DENND6B: variants seen among roughly 807,000 people sequenced by gnomAD.
DENND6B encodes the protein DENN domain containing 6B, also known as protein DENND6B.
DENND6B carries 73 observed loss-of-function variants against 85.1 expected under a neutral mutation model. The observed-to-expected ratio is 0.86, with a 90% CI of 0.71 to 1.04. The LOEUF is 1.04. Ranked by LOEUF, DENND6B falls within the 50% of genes least tolerant of loss-of-function variation. DENND6B has a pLI of 0.00. For missense variants in DENND6B, 715 were observed against 785.8 expected, an observed-to-expected ratio of 0.91 and a Z score of 1.08; for synonymous variants, 357 against 329.3, an observed-to-expected ratio of 1.08 and a Z score of -0.91.
chr22:50,326,784 G>A (rs2042201640), intron 1 of DENND6B, 28 bp downstream of exon 1: 3 of 1,028,762 alleles, frequency 2.9e-6, no homozygotes, highest in Admixed American at 4.1e-5. Flanking sequence ...CTGCCCACCC[G>A]CCCGCGCCCG....
chr22:50,313,501 TG>T lies in DENND6B; in HGVS notation c.1294-3del. ...CATGAGGCTGGCCATGTAGTGCTCC[TG>T]GGTGGGGAAGGGAGGGGAGTGAGCC... is the stretch of plus-strand genomic sequence containing the variant. On this transcript the variant is annotated splice_region_variant and splice_polypyrimidine_tract_variant and intron_variant, in intron 15 of 19. Transcript: ENST00000413817. 2 of 1,548,464 alleles carry T rather than the reference TG, an allele frequency of 1.3e-6. No individual in the cohort carries two copies. The highest frequency in any genetic ancestry group is 8.7e-7 in the Non-Finnish European group (1 of 1,146,058).
chr22:50,320,197 G>A (rs2041999875), intron 1 of DENND6B, among the ~76,000 whole-genome samples: 1 of 152,374 alleles, frequency 6.6e-6, no homozygotes, highest in South Asian at 2.1e-4. Flanking sequence ...ACAGTGAGGA[G>A]CCGGGCCCTG....
At chr22:50,313,997 G>A (rs2041691235) in intron 13 of DENND6B, 119 bp from the exon 14 acceptor site, 4 of 1,377,876 alleles carry the variant, frequency 2.9e-6, no homozygotes, top group Admixed American at 5.5e-5. Flanking sequence ...GCCCTTGGCT[G>A]CACCTGAAAA....
chr22:50,314,388 C>T lies in DENND6B; in HGVS notation c.1072+12G>A, dbSNP rs540800615. 5 of 1,563,244 alleles carry T rather than the reference C, an allele frequency of 3.2e-6. No homozygotes were observed. Among genetic ancestry groups the T allele is most frequent in the East Asian group, 2.4e-5 (1 of 41,936 alleles). The stretch of plus-strand genomic sequence containing the variant: ...CTGAGCAGCACCCCCTGCACCTCAC[C>T]GGGAGCCTGACCTGACATCTTGGGC... On this transcript the variant is annotated intron_variant, in intron 12 of 19. Transcript: ENST00000413817.
intron 3 of DENND6B, 57 bp downstream of exon 3, chr22:50,318,790 C>A (rs376048523): frequency 3.7e-6 from 6 of 1,602,916 alleles, no homozygotes; most frequent in Non-Finnish European, 5.1e-6. Flanking sequence ...CTGGCCCAGG[C>A]TACAGGGATG....
intron 1 of DENND6B, chr22:50,319,541 C>A: frequency 1.0e-6 from 1 of 981,612 alleles, no homozygotes; most frequent in African/African-American, 1.8e-5. Context: ...CCCCCTCACC[C>A]GGGATGGTCA....
chr22:50,316,339 AC>A, intron 6 of DENND6B, 30 bp downstream of exon 6: 1 of 1,563,070 alleles, frequency 6.4e-7, no homozygotes, highest in Non-Finnish European at 8.7e-7. Flanking sequence ...GGATGATGAG[AC>A]CACGATGGCC....
At chr22:50,325,909 C>T (rs2042176174) in intron 1 of DENND6B, among the ~76,000 whole-genome samples, 1 of 152,248 alleles carries the variant, frequency 6.6e-6, no homozygotes, top group Non-Finnish European at 1.5e-5. Flanking sequence ...CTCCCAACCA[C>T]AGAGACGCGC....
At position 50,318,995 on chromosome 22, in the gene DENND6B, A is replaced by G; in HGVS notation, c.186T>C (p.Tyr62=). ...LELGQALELV[Y]PNDFRLTDKE... is the part of the protein sequence containing the mutation. ...TGTCTGTGAGCCGGAAGTCGTTCGGATACACCAGCTGCAGAGGAAGACAGA... is the reference window on the plus strand; with the variant it reads ...TGTCTGTGAGCCGGAAGTCGTTCGGGTACACCAGCTGCAGAGGAAGACAGA... Residue 62 remains tyrosine (Y), a synonymous_variant, in exon 2 of 20, where the codon TAT becomes TAC. Coordinates refer to ENST00000413817, the MANE Select transcript of DENND6B (RefSeq NM_001001794.4). 6.2e-7 allele frequency: 1 copy of G among 1,600,674 alleles called. No individual in the cohort carries two copies. Among genetic ancestry groups the G allele is most frequent in the Admixed American group, 1.7e-5 (1 of 58,098 alleles).
rs767562123 is a variant in DENND6B, at chr22:50,314,470, T to G, written c.1002A>C (p.Thr334=). The G allele has an allele frequency of 2.6e-6, 4 of 1,562,694 alleles. No homozygotes were observed. Among genetic ancestry groups the G allele is most frequent in the Admixed American group, 3.8e-5 (2 of 52,394 alleles). ...GGAGTGTTTTGATAAAGAAAGGGTT[T>G]GTGACTCCCAGGACCACGTTTGGTC... The part of the protein sequence containing the change: ...QAPPNVVLGV[T]NPFFIKTLQH... Residue 334 remains threonine, a synonymous_variant, in exon 12 of 20, where the codon ACA becomes ACC. Transcript: ENST00000413817.
chr22:50,317,395 C>CCATGGGTGTTAG (rs2041887444), intron 4 of DENND6B, 22 bp from the exon 5 acceptor site: 1 of 1,611,990 alleles, frequency 6.2e-7, no homozygotes. Context: ...ATGGTGTTAG[C>CCATGGGTGTTAG]CAGCCACGCC....
intron 3 of DENND6B, 93 bp from the exon 4 acceptor site, chr22:50,318,113 C>T (rs2041915561): frequency 3.1e-6 from 4 of 1,290,246 alleles, no homozygotes; most frequent in Admixed American, 2.0e-5. Flanking sequence ...GCCCTGCGAG[C>T]CTGGCCTCTG....
chr22:50,312,396 C>T lies in DENND6B; in HGVS notation c.1582G>A (p.Asp528Asn). 4.3e-6 allele frequency: 7 copies of T among 1,611,756 alleles called. No homozygotes were observed. The highest frequency in any genetic ancestry group is 1.1e-5 in the South Asian group (1 of 90,758). The change falls in exon 19 of 20, where the codon GAC (aspartate) becomes AAC (asparagine). Residue 528 changes from aspartate (D) to asparagine (N), a missense_variant. Asp to Asn is a conservative substitution (Grantham distance 23). Coordinates refer to ENST00000413817, the MANE Select transcript of DENND6B (RefSeq NM_001001794.4). ...TCCACGACCTCCACCTCGGACTTGT[C>T]TTTCATCCAGGTCTCGATGTTCTGC... Reference protein sequence around the residue: ...CEANIETWMKDKSEVEVVDLV... With the variant: ...CEANIETWMKNKSEVEVVDLV...
chr22:50,326,131 G>A lies in DENND6B; in HGVS notation c.177+681C>T, dbSNP rs150929126. On this transcript the variant is annotated intron_variant, in intron 1 of 19. Transcript: ENST00000413817. Reference sequence around the variant, plus strand: ...GCGGGGCCTCCCTGGAGGAAAGGAGGCTGCCTGTGTGGGTAGGTGAGTGGA... The same window carrying A: ...GCGGGGCCTCCCTGGAGGAAAGGAGACTGCCTGTGTGGGTAGGTGAGTGGA... 7.1e-3 allele frequency among the ~76,000 whole-genome samples: 1,076 copies of A among 152,354 alleles called. 11 individuals are homozygous for A. The highest frequency in any genetic ancestry group is 0.025 in the African/African-American group (1,036 of 41,576).
chr22:50,326,770 A>C, intron 1 of DENND6B, 42 bp downstream of exon 1: 1 of 1,325,816 alleles, frequency 7.5e-7, no homozygotes. Context: ...CGAGAGGCGC[A>C]GCCCTGCCCA....
chr22:50,317,780 C>A, intron 4 of DENND6B, 128 bp downstream of exon 4: 1 of 931,836 alleles, frequency 1.1e-6, no homozygotes, highest in Non-Finnish European at 1.6e-6. Flanking sequence ...GCCAGTGGGG[C>A]CTGGCCAGCT....
At position 50,311,060 on chromosome 22, in the gene DENND6B, C is replaced by T. The variant is rs1457584507; in HGVS notation, c.*1079G>A. On this transcript the variant is annotated 3_prime_UTR_variant, in exon 20 of 20. Coordinates refer to ENST00000413817, the MANE Select transcript of DENND6B (RefSeq NM_001001794.4). ...ATGAGTGGCCCTCCCAGCACCCTGT[C>T]GGGCATCTGCATGGCTGGCTCGCTC... is the stretch of plus-strand genomic sequence containing the variant. The T allele has an allele frequency of 1.3e-5, 2 of 152,412 alleles. No homozygotes were observed. The highest frequency in any genetic ancestry group is 1.9e-4 in the East Asian group (1 of 5,178). 9.4% of individuals were successfully genotyped at this position (152,412 alleles called of 1,614,324 possible).
At chr22:50,314,155 C>T in intron 13 of DENND6B, 52 bp downstream of exon 13, 1 of 1,557,336 alleles carries the variant, frequency 6.4e-7, no homozygotes, top group African/African-American at 1.4e-5. Context: ...CCGCCAGGTA[C>T]AAGACAGGCC....
Position 50,313,665 on chromosome 22 carries a change from CAGG to C in DENND6B, c.1260_1262del (p.Leu421del). 1 of 1,596,630 alleles carries C rather than the reference CAGG, an allele frequency of 6.3e-7. No individual in the cohort carries two copies. The highest frequency in any genetic ancestry group is 1.7e-5 in the Admixed American group (1 of 57,680). On this transcript the variant is annotated inframe_deletion, in exon 15 of 20. Coordinates refer to ENST00000413817, the MANE Select transcript of DENND6B (RefSeq NM_001001794.4). ...GGATGATGAAGCTCTGGGTGAGCTCCAGGAGGTGCCGCCGCAGCAGGGCGCTCT... is the reference window on the plus strand; with the variant it reads ...GGATGATGAAGCTCTGGGTGAGCTCCAGGTGCCGCCGCAGCAGGGCGCTCT...
Sources: gnomAD v4.1 joint callset for allele counts (sites outside exome capture counted in the v4.1 genomes callset) on GRCh38, gnomAD v4.1.1 for gene constraint, MANE v1.5 for transcripts, NCBI Gene and HGNC (gene_info 2026-07-23, HGNC 2026-07-21) for gene names.